REXO5: variants seen among roughly 807,000 people sequenced by gnomAD.
REXO5 encodes RNA exonuclease 5, also known as exonuclease NEF-sp.
A neutral mutation model predicts 88.5 loss-of-function variants in REXO5; 48 were observed. That is an observed-to-expected ratio of 0.54 (90% CI 0.43 to 0.69). REXO5 has a LOEUF of 0.69. Among genes scored for constraint, REXO5 ranks in the 30% least tolerant of loss-of-function variants. REXO5 has a pLI of 0.00. For synonymous variants in REXO5, 311 were observed against 336.5 expected, an observed-to-expected ratio of 0.92 and a Z score of 0.83; for missense variants, 749 against 912.2, an observed-to-expected ratio of 0.82 and a Z score of 2.30.
rs755146835 is a variant in REXO5, at chr16:20,806,995, G to T, written c.42G>T (p.Lys14Asn). The T allele has an allele frequency of 5.6e-6, 9 of 1,600,958 alleles. No homozygotes were observed. The highest frequency in any genetic ancestry group is 1.7e-5 in the Admixed American group (1 of 57,870). The change falls in exon 2 of 20, where the codon AAG (lysine) becomes AAT (asparagine). Residue 14 changes from lysine (K) to asparagine (N), a missense_variant. Lys to Asn is a moderately conservative substitution (Grantham distance 94). Transcript: ENST00000261377. ...AAGGGACCGAGAGACACCCCAGGAA[G>T]GTCAGGGAAAGCAGGCAGGCCCCAA... ...EREGTERHPR[K>N]VRESRQAPNK...
In REXO5 at chr16:20,828,503, T is replaced by G; in HGVS notation, c.1124T>G (p.Leu375Trp). 1 of 1,614,000 alleles carries G rather than the reference T, an allele frequency of 6.2e-7. No homozygotes were observed. The highest frequency in any genetic ancestry group is 8.5e-7 in the Non-Finnish European group (1 of 1,179,894). ...GAAGATGCTAGAACAATCCTTGAAT[T>G]GGCTCGGTATTTCCTTAAGCATGGC... ...ATEDARTILE[L>W]ARYFLKHGPK... The change falls in exon 11 of 20, where the codon TTG becomes TGG. Residue 375 changes from leucine (L) to tryptophan (W), a missense_variant. Coordinates refer to ENST00000261377, the MANE Select transcript of REXO5 (RefSeq NM_030941.3).
Position 20,845,195 on chromosome 16 carries a change from C to T in REXO5, c.2078C>T (p.Pro693Leu), listed in dbSNP as rs2081588278. The change falls in exon 18 of 20, where the codon CCA becomes CTA. Residue 693 changes from proline (P) to leucine (L), a missense_variant. Transcript: ENST00000261377. ...TTACCACCTGAATCAACAAGGCTCCCAGGGCTTCGTGTTGTACCTCCCCCC... is the reference window on the plus strand; with the variant it reads ...TTACCACCTGAATCAACAAGGCTCCTAGGGCTTCGTGTTGTACCTCCCCCC... ...RGLPPESTRLPGLRVVPPPFE... is the reference protein window; with the variant it reads ...RGLPPESTRLLGLRVVPPPFE... 3 of 1,613,864 alleles carry T rather than the reference C, an allele frequency of 1.9e-6. No homozygotes were observed. The highest frequency in any genetic ancestry group is 2.5e-6 in the Non-Finnish European group (3 of 1,179,934).
intron 13 of REXO5, among the ~76,000 whole-genome samples, chr16:20,836,700 G>A (rs2081436283): frequency 6.6e-6 from 1 of 152,222 alleles, no homozygotes; most frequent in Admixed American, 6.5e-5. Flanking sequence ...GTAAGAAACT[G>A]CTGAACTTCT....
intron 11 of REXO5, among the ~76,000 whole-genome samples, chr16:20,830,832 GGT>G (rs1180317353): frequency 6.6e-6 from 1 of 151,990 alleles, no homozygotes; most frequent in Non-Finnish European, 1.5e-5. Flanking sequence ...GTGCAACAGG[GGT>G]TACACTTTTA....
At chr16:20,839,722 C>G in intron 13 of REXO5, 33 bp from the exon 14 acceptor site, 1 of 1,470,064 alleles carries the variant, frequency 6.8e-7, no homozygotes, top group East Asian at 2.3e-5. Flanking sequence ...GTATGAGGTT[C>G]CTACCTTATC....
chr16:20,807,031 C>T lies in REXO5; in HGVS notation c.78C>T (p.Val26=). 3 of 1,603,388 alleles carry T rather than the reference C, an allele frequency of 1.9e-6. No homozygotes were observed. Among genetic ancestry groups the T allele is most frequent in the South Asian group, 1.1e-5 (1 of 88,566 alleles). ...RESRQAPNKL[V]GAAEAMKAGW... The stretch of plus-strand genomic sequence containing the variant: ...GCAGGCAGGCCCCAAATAAGCTGGT[C>T]GGGGCAGCTGAGGCGATGAAAGCCG... The change falls in exon 2 of 20, where the codon GTC becomes GTT. Residue 26 remains valine, a synonymous_variant. Coordinates refer to ENST00000261377, the MANE Select transcript of REXO5 (RefSeq NM_030941.3).
At chr16:20,818,017 G>A (rs1192170509) in intron 5 of REXO5, among the ~76,000 whole-genome samples, 1 of 152,038 alleles carries the variant, frequency 6.6e-6, no homozygotes, top group African/African-American at 2.4e-5. Context: ...CACCAGTGTT[G>A]AATTTTACAG....
At chr16:20,813,344 CT>C (rs56875427) in intron 3 of REXO5, 42 bp downstream of exon 3, 85,988 of 633,610 alleles carry the variant, frequency 0.14, 11 homozygotes, top group Non-Finnish European at 0.15. Context: ...CCAGCGGTTT[CT>C]TTTTTTTTTT....
chr16:20,838,566 T>G (rs2081474911), intron 13 of REXO5, among the ~76,000 whole-genome samples: 1 of 152,176 alleles, frequency 6.6e-6, no homozygotes, highest in Admixed American at 6.5e-5. Context: ...TCTGGAGATT[T>G]GTCTTCTCTG....
In REXO5 at chr16:20,844,736, A is replaced by G; in HGVS notation, c.1827A>G (p.Glu609=). The part of the protein sequence containing the change: ...QGSIYLSGVS[E]TFKEQLLQEP... ...CTATATATCTGTCTGGAGTGAGTGA[A>G]ACCTTCAAAGAACAGCTATTGCAGG... Residue 609 remains glutamate (E), a synonymous_variant, in exon 17 of 20, where the codon GAA becomes GAG. Coordinates refer to ENST00000261377, the MANE Select transcript of REXO5 (RefSeq NM_030941.3). The G allele has an allele frequency of 1.9e-6, 3 of 1,614,236 alleles. No homozygotes were observed. Among genetic ancestry groups the G allele is most frequent in the Non-Finnish European group, 2.5e-6 (3 of 1,180,040 alleles).
In REXO5 at chr16:20,824,103, A is replaced by C. The variant is rs1191879993; in HGVS notation, c.617-336A>C. On this transcript the variant is annotated intron_variant, in intron 6 of 19. Transcript: ENST00000261377. ...TTATTCATTCTTTCTTAGTGCTGAC[A>C]TGGAAAGCGCCTAATGACTTTGGGT... Among the ~76,000 whole-genome samples, 3 of 152,210 alleles carry C rather than the reference A, an allele frequency of 2.0e-5. No homozygotes were observed. The East Asian group carries it at 5.8e-4, about 29-fold the overall frequency.
chr16:20,836,420 T>C (rs1425573714), intron 13 of REXO5, among the ~76,000 whole-genome samples: 1 of 152,170 alleles, frequency 6.6e-6, no homozygotes, highest in Non-Finnish European at 1.5e-5. Context: ...ACTTAGTATA[T>C]GTATTTAAGT....
chr16:20,806,537 G>A lies in REXO5; in HGVS notation c.-171G>A. The A allele has an allele frequency of 6.5e-7, 1 of 1,527,980 alleles. No homozygotes were observed. The highest frequency in any genetic ancestry group is 2.5e-5 in the East Asian group (1 of 40,632). The allele number at this position is 1,527,980 out of a possible 1,614,324, so 94.7% of individuals were successfully genotyped here. Reference sequence around the variant, plus strand: ...GGCTGAGGGGCGGTTGTTGTTGGCAGCTGTGGCTAAGGAGGGGAGAACCTC... The same window carrying A: ...GGCTGAGGGGCGGTTGTTGTTGGCAACTGTGGCTAAGGAGGGGAGAACCTC... On this transcript the variant is annotated 5_prime_UTR_variant, in exon 1 of 20. Transcript: ENST00000261377.
chr16:20,836,150 A>T (rs151047018), intron 13 of REXO5, among the ~76,000 whole-genome samples: 1 of 152,340 alleles, frequency 6.6e-6, no homozygotes, highest in East Asian at 1.9e-4. Context: ...AAAATCAATG[A>T]ACCCACTATG....
intron 3 of REXO5, among the ~76,000 whole-genome samples, chr16:20,813,804 A>G (rs967334265): frequency 4.6e-5 from 7 of 152,144 alleles, no homozygotes; most frequent in African/African-American, 1.7e-4. Flanking sequence ...CACAGTTATA[A>G]TCCCAGCACT....
At chr16:20,848,033 C>T (rs1329445954) in intron 19 of REXO5, among the ~76,000 whole-genome samples, 1 of 152,130 alleles carries the variant, frequency 6.6e-6, no homozygotes, top group East Asian at 1.9e-4. Flanking sequence ...ATTAAGCACC[C>T]CCTGGAAGCA....
intron 18 of REXO5, among the ~76,000 whole-genome samples, chr16:20,845,560 G>A (rs575685254): frequency 6.6e-6 from 1 of 152,162 alleles, no homozygotes; most frequent in East Asian, 1.9e-4. Context: ...ATAAATTGTG[G>A]TTGTCATAGA....
In REXO5 at chr16:20,846,298, C is replaced by T. The variant is rs753431141; in HGVS notation, c.2202C>T (p.Cys734=). ...TTGGAAAGCTCTACAACAGCTTGTG[C>T]CCGGGCACTCTCTGCCTCATCCTGC... The part of the protein sequence containing the change: ...RKIGKLYNSL[C]PGTLCLILLP... Residue 734 remains cysteine, a synonymous_variant, in exon 19 of 20, where the codon TGC becomes TGT. Transcript: ENST00000261377. The T allele has an allele frequency of 1.7e-5, 28 of 1,613,894 alleles. No homozygotes were observed. The East Asian group carries it at 5.6e-4, about 32-fold the overall frequency.
At chr16:20,846,952 GA>G (rs2081616478) in intron 19 of REXO5, among the ~76,000 whole-genome samples, 1 of 152,158 alleles carries the variant, frequency 6.6e-6, no homozygotes, top group South Asian at 2.1e-4. Flanking sequence ...TTTCTTTAAA[GA>G]AAAACTGATA....
Sources: gnomAD v4.1 joint callset for allele counts (sites outside exome capture counted in the v4.1 genomes callset) on GRCh38, gnomAD v4.1.1 for gene constraint, MANE v1.5 for transcripts, NCBI Gene and HGNC (gene_info 2026-07-23, HGNC 2026-07-21) for gene names.